GPC5: variants seen among roughly 807,000 people sequenced by gnomAD.
The protein encoded by GPC5 is glypican-5.
GPC5 carries 47 observed loss-of-function variants against 53.9 expected under a neutral mutation model. The observed-to-expected ratio is 0.87, with a 90% CI of 0.69 to 1.11. GPC5 has a LOEUF of 1.11. Ranked by LOEUF, GPC5 falls within the 50% of genes most tolerant of loss-of-function variation. The pLI, the probability that GPC5 is intolerant of heterozygous loss-of-function variation, is 0.00. For missense variants in GPC5, 748 were observed against 713.1 expected (o/e 1.05, Z -0.56); for synonymous variants, 286 against 263.3 (o/e 1.09, Z -0.84).
chr13:92,174,392 G>A (rs953189763), intron 7 of GPC5, among the ~76,000 whole-genome samples: 2 of 151,132 alleles, frequency 1.3e-5, no homozygotes, highest in Admixed American at 6.6e-5. Flanking sequence ...AAAAATGGCC[G>A]GGTGTGGTGG....
intron 5 of GPC5, among the ~76,000 whole-genome samples, chr13:91,880,803 G>C (rs2039255944): frequency 6.6e-6 from 1 of 152,026 alleles, no homozygotes; most frequent in South Asian, 2.1e-4. Context: ...TTGTTTGTTT[G>C]TTTGTTTGTG....
intron 7 of GPC5, among the ~76,000 whole-genome samples, chr13:92,734,200 G>T (rs756525380): frequency 6.6e-6 from 1 of 151,690 alleles, no homozygotes; most frequent in Non-Finnish European, 1.5e-5. Context: ...ATGGATTTGG[G>T]TAAGATCTCC....
intron 2 of GPC5, among the ~76,000 whole-genome samples, chr13:91,477,114 A>G (rs1882975902): frequency 6.6e-6 from 1 of 152,136 alleles, no homozygotes; most frequent in Admixed American, 6.5e-5. Flanking sequence ...TTATCTTTGG[A>G]TGAAGATTAT....
intron 7 of GPC5, among the ~76,000 whole-genome samples, chr13:92,291,065 C>T (rs1393152230): frequency 6.6e-6 from 1 of 152,136 alleles, no homozygotes; most frequent in East Asian, 1.9e-4. Context: ...TCTCGCCGGG[C>T]CTTAGCTGCC....
At chr13:91,900,912 C>T (rs2039491586) in intron 5 of GPC5, among the ~76,000 whole-genome samples, 1 of 152,038 alleles carries the variant, frequency 6.6e-6, no homozygotes, top group African/African-American at 2.4e-5. Flanking sequence ...TACCTGCCAC[C>T]TGACTAAACT....
chr13:92,383,773 T>C (rs1315821556), intron 7 of GPC5, among the ~76,000 whole-genome samples: 2 of 152,170 alleles, frequency 1.3e-5, no homozygotes, highest in Non-Finnish European at 2.9e-5. Context: ...TAATAAATTA[T>C]ATTTTAACTT....
intron 2 of GPC5, among the ~76,000 whole-genome samples, chr13:91,455,289 C>T (rs1234750516): frequency 6.6e-6 from 1 of 152,002 alleles, no homozygotes; most frequent in Non-Finnish European, 1.5e-5. Context: ...AATTGCTCTT[C>T]TAAGTAGCAA....
intron 7 of GPC5, among the ~76,000 whole-genome samples, chr13:92,204,756 C>A (rs955145829): frequency 7.2e-5 from 11 of 152,098 alleles, no homozygotes; most frequent in African/African-American, 2.7e-4. Context: ...AGCTTTCTAC[C>A]CTTTTCAGAA....
At chr13:92,077,555 G>A (rs1166285421) in intron 6 of GPC5, among the ~76,000 whole-genome samples, 1 of 152,152 alleles carries the variant, frequency 6.6e-6, no homozygotes. Context: ...AATAAAAAGA[G>A]TTCCTGAATG....
rs190113818 is a variant in GPC5 at position 91,808,475 on chromosome 13, A to G, written c.1280+52055A>G. ...TAGTTATTTTACAATTTCCTGGAGT[A>G]TGCTCTTACCTGTTTATTTGAAATC... On this transcript the variant is annotated intron_variant, in intron 5 of 7. Coordinates refer to ENST00000377067, the MANE Select transcript of GPC5 (RefSeq NM_004466.6). Among the ~76,000 whole-genome samples, 340 of 152,278 alleles carry G rather than the reference A, an allele frequency of 2.2e-3. 2 individuals are homozygous for G. The highest frequency in any genetic ancestry group is 7.9e-3 in the African/African-American group (327 of 41,570).
At chr13:91,764,565 C>T (rs1432020660) in intron 5 of GPC5, among the ~76,000 whole-genome samples, 8 of 152,104 alleles carry the variant, frequency 5.3e-5, no homozygotes, top group Admixed American at 2.6e-4. Flanking sequence ...TTCCATAAAC[C>T]GTGTAAATTC....
At chr13:91,711,916 C>G (rs1476569947) in intron 3 of GPC5, among the ~76,000 whole-genome samples, 1 of 152,158 alleles carries the variant, frequency 6.6e-6, no homozygotes, top group Non-Finnish European at 1.5e-5. Flanking sequence ...TGTGATCATC[C>G]TCAGATGGGT....
At chr13:92,731,259 C>A (rs1888793786) in intron 7 of GPC5, among the ~76,000 whole-genome samples, 1 of 151,300 alleles carries the variant, frequency 6.6e-6, no homozygotes, top group South Asian at 2.1e-4. Context: ...AAAAATACTT[C>A]AATGTGATGT....
At chr13:92,558,496 T>C (rs757162183) in intron 7 of GPC5, among the ~76,000 whole-genome samples, 2 of 152,032 alleles carry the variant, frequency 1.3e-5, no homozygotes, top group Non-Finnish European at 2.9e-5. Flanking sequence ...CAAAATGATA[T>C]AAGGGTTTAT....
intron 2 of GPC5, among the ~76,000 whole-genome samples, chr13:91,538,640 C>T (rs553025565): frequency 4.8e-5 from 7 of 145,018 alleles, no homozygotes; most frequent in African/African-American, 7.6e-5. Context: ...TGGAGTGCAG[C>T]GGCATGATCT....
intron 5 of GPC5, among the ~76,000 whole-genome samples, chr13:91,887,353 TC>T (rs1400554212): frequency 1.3e-5 from 2 of 152,134 alleles, no homozygotes; most frequent in Non-Finnish European, 2.9e-5. Context: ...AAACATTTTT[TC>T]CTCCTAGGCT....
At chr13:92,743,522 C>T (rs562953675) in intron 7 of GPC5, among the ~76,000 whole-genome samples, 11 of 152,228 alleles carry the variant, frequency 7.2e-5, no homozygotes, top group African/African-American at 2.4e-4. Context: ...ACAATCATGT[C>T]ATCTGCAAAT....
chr13:92,748,637 A>G (rs907822717), intron 7 of GPC5, among the ~76,000 whole-genome samples: 1 of 152,044 alleles, frequency 6.6e-6, no homozygotes, highest in African/African-American at 2.4e-5. Flanking sequence ...TTTATTCTAA[A>G]TAATTTTTCT....
At chr13:92,858,954 A>T (rs1337005568) in intron 7 of GPC5, among the ~76,000 whole-genome samples, 1 of 152,176 alleles carries the variant, frequency 6.6e-6, no homozygotes, top group Non-Finnish European at 1.5e-5. Context: ...AAAATAAATT[A>T]TTCTGACCTG....
Sources: gnomAD v4.1 joint callset for allele counts (sites outside exome capture counted in the v4.1 genomes callset) on GRCh38, gnomAD v4.1.1 for gene constraint, MANE v1.5 for transcripts, NCBI Gene and HGNC (gene_info 2026-07-23, HGNC 2026-07-21) for gene names.